LTBP1: variants seen among roughly 807,000 people sequenced by gnomAD.
The protein encoded by LTBP1 is latent transforming growth factor beta binding protein 1.
LTBP1 carries 129 observed loss-of-function variants against 207.6 expected under a neutral mutation model. The ratio of observed to expected loss-of-function variants is 0.62; its 90% CI spans 0.54 to 0.72. The LOEUF is 0.72. Among genes scored for constraint, LTBP1 ranks in the 30% least tolerant of loss-of-function variants. The pLI is 0.00. For missense variants in LTBP1, 2,281 were observed against 2,217.2 expected (o/e 1.03, Z -0.58); for synonymous variants, 963 against 833.7 (o/e 1.16, Z -2.67).
At chr2:33,397,027 A>T in intron 32 of LTBP1, 106 bp from the exon 33 acceptor site, 1 of 929,768 alleles carries the variant, frequency 1.1e-6, no homozygotes, top group Middle Eastern at 3.3e-4. Context: ...ATATGTATGG[A>T]CATATATGTG....
At chr2:33,090,307 A>G (rs905815429) in intron 3 of LTBP1, among the ~76,000 whole-genome samples, 6 of 152,216 alleles carry the variant, frequency 3.9e-5, no homozygotes, top group Admixed American at 3.9e-4. Context: ...ATTTCATGGC[A>G]CATCAGTAAC....
chr2:33,037,646 G>A (rs902112157), intron 3 of LTBP1, among the ~76,000 whole-genome samples: 3 of 151,942 alleles, frequency 2.0e-5, no homozygotes, highest in Admixed American at 6.6e-5. Flanking sequence ...TTGTTTCCTT[G>A]TTCATTTTGT....
intron 19 of LTBP1, among the ~76,000 whole-genome samples, chr2:33,281,203 A>C (rs1355553838): frequency 6.6e-6 from 1 of 152,140 alleles, no homozygotes; most frequent in Non-Finnish European, 1.5e-5. Context: ...ACTGACATGC[A>C]CTCAAACATC....
At chr2:33,014,856 A>G (rs1485327537) in intron 2 of LTBP1, among the ~76,000 whole-genome samples, 1 of 152,078 alleles carries the variant, frequency 6.6e-6, no homozygotes, top group African/African-American at 2.4e-5. Flanking sequence ...TGATGAAAGT[A>G]TTTTCAGAAG....
At chr2:33,070,502 C>T (rs2077734834) in intron 3 of LTBP1, among the ~76,000 whole-genome samples, 1 of 152,178 alleles carries the variant, frequency 6.6e-6, no homozygotes, top group South Asian at 2.1e-4. Flanking sequence ...GTAATGTCTG[C>T]CCAGTCACTC....
intron 8 of LTBP1, 102 bp downstream of exon 8, chr2:33,217,756 T>C (rs1217305321): frequency 1.1e-5 from 9 of 847,850 alleles, no homozygotes; most frequent in South Asian, 1.5e-5. Flanking sequence ...CAAAGAACTC[T>C]CCTACTGAAT....
chr2:33,281,733 G>T (rs2093562924), intron 19 of LTBP1, among the ~76,000 whole-genome samples: 1 of 152,106 alleles, frequency 6.6e-6, no homozygotes, highest in African/African-American at 2.4e-5. Flanking sequence ...TTGAAGAAAA[G>T]ATTTTTATTC....
chr2:32,970,674 TC>T (rs988623524), intron 2 of LTBP1, among the ~76,000 whole-genome samples: 1 of 152,190 alleles, frequency 6.6e-6, no homozygotes, highest in African/African-American at 2.4e-5. Context: ...GTAGTGTAGT[TC>T]CAAGTCAGGT....
chr2:33,141,454 AAC>A (rs2082639700), intron 5 of LTBP1, among the ~76,000 whole-genome samples: 1 of 152,256 alleles, frequency 6.6e-6, no homozygotes, highest in South Asian at 2.1e-4. Context: ...CAATTATAAA[AAC>A]ACATTTTAAA....
intron 17 of LTBP1, among the ~76,000 whole-genome samples, 157 bp from the exon 18 acceptor site, chr2:33,275,644 A>G (rs1178276241): frequency 6.6e-6 from 1 of 152,024 alleles, no homozygotes; most frequent in East Asian, 1.9e-4. Flanking sequence ...AGATCACACC[A>G]TTGCACTCCA....
At position 32,947,731 on chromosome 2, in the gene LTBP1, G is replaced by A; in HGVS notation, c.407G>A (p.Arg136Lys). ...GCCGCCCCGTTCACCAAACAAGGCA[G>A]GCAAGTTGTGCGCTCCAAGGTGCCG... ...PAAAPFTKQGRQVVRSKVPQE... is the reference protein window; with the variant it reads ...PAAAPFTKQGKQVVRSKVPQE... Residue 136 changes from arginine (R) to lysine (K), a missense_variant, in exon 1 of 34, where the codon AGG becomes AAG. Arg to Lys is a conservative substitution (Grantham distance 26, BLOSUM62 2). Transcript: ENST00000404816. 6.5e-7 allele frequency: 1 copy of A among 1,537,546 alleles called. No homozygotes were observed. Among genetic ancestry groups the A allele is most frequent in the Non-Finnish European group, 8.7e-7 (1 of 1,143,662 alleles).
At chr2:33,328,280 C>A (rs140868612) in intron 24 of LTBP1, among the ~76,000 whole-genome samples, 1 of 152,086 alleles carries the variant, frequency 6.6e-6, no homozygotes, top group Non-Finnish European at 1.5e-5. Flanking sequence ...CTCAAACTTC[C>A]TCGTGATTAT....
chr2:32,977,429 C>T (rs988182156), intron 2 of LTBP1, among the ~76,000 whole-genome samples: 4 of 152,208 alleles, frequency 2.6e-5, no homozygotes, highest in Admixed American at 1.3e-4. Flanking sequence ...GGCACTGAGC[C>T]TTGTCTATCA....
intron 5 of LTBP1, among the ~76,000 whole-genome samples, chr2:33,181,800 C>G (rs1297158409): frequency 1.3e-5 from 2 of 152,174 alleles, no homozygotes. Flanking sequence ...CTCTTTTCCT[C>G]TTGATGTTCT....
chr2:33,138,413 T>C (rs2082315524), intron 5 of LTBP1, among the ~76,000 whole-genome samples: 1 of 152,164 alleles, frequency 6.6e-6, no homozygotes, highest in South Asian at 2.1e-4. Context: ...CTTTAAATGG[T>C]ACTTCCTATG....
intron 3 of LTBP1, among the ~76,000 whole-genome samples, chr2:33,075,963 AGAG>A (rs2078060429): frequency 6.6e-6 from 1 of 152,228 alleles, no homozygotes; most frequent in African/African-American, 2.4e-5. Context: ...TTTGCATGCA[AGAG>A]TAGACACCAA....
chr2:33,314,105 A>G (rs1275373966), intron 23 of LTBP1, among the ~76,000 whole-genome samples: 3 of 152,212 alleles, frequency 2.0e-5, no homozygotes, highest in Non-Finnish European at 4.4e-5. Context: ...CATAAAGTCG[A>G]CAACACAAGT....
chr2:33,247,250 T>A (rs948877215), intron 10 of LTBP1, among the ~76,000 whole-genome samples: 3 of 152,242 alleles, frequency 2.0e-5, no homozygotes, highest in Non-Finnish European at 4.4e-5. Context: ...GGCAAATGCC[T>A]TTTAATTAAG....
chr2:33,340,665 TGAG>T (rs997299483), intron 24 of LTBP1, among the ~76,000 whole-genome samples: 211 of 151,694 alleles, frequency 1.4e-3, no homozygotes, highest in African/African-American at 4.8e-3. Context: ...TCTAGGTCAT[TGAG>T]GAGGAGGAGG....
Sources: gnomAD v4.1 joint callset for allele counts (sites outside exome capture counted in the v4.1 genomes callset) on GRCh38, gnomAD v4.1.1 for gene constraint, MANE v1.5 for transcripts, NCBI Gene and HGNC (gene_info 2026-07-23, HGNC 2026-07-21) for gene names.